ADHFE1: variants seen among roughly 807,000 people sequenced by gnomAD.
The protein encoded by ADHFE1 is hydroxyacid-oxoacid transhydrogenase, mitochondrial.
ADHFE1 carries 37 observed loss-of-function variants against 54.8 expected under a neutral mutation model. That is an observed-to-expected ratio of 0.68 (90% CI 0.52 to 0.89). ADHFE1 has a LOEUF of 0.89. Among genes scored for constraint, ADHFE1 ranks in the 40% least tolerant of loss-of-function variants. ADHFE1 has a pLI of 0.00. For missense variants in ADHFE1, 601 were observed against 591.2 expected, an observed-to-expected ratio of 1.02 and a Z score of -0.17; for synonymous variants, 203 against 229.3, an observed-to-expected ratio of 0.89 and a Z score of 1.04.
intron 6 of ADHFE1, among the ~76,000 whole-genome samples, chr8:66,445,942 A>G (rs369246557): frequency 9.9e-4 from 151 of 152,330 alleles, no homozygotes; most frequent in African/African-American, 3.3e-3. Context: ...ACAAATCCAA[A>G]TCAGAATAGC....
Position 66,440,176 on chromosome 8 carries a change from C to T in ADHFE1, c.74C>T (p.Thr25Ile). Residue 25 changes from threonine to isoleucine, a missense_variant, in exon 2 of 14, where the codon ACT becomes ATT. Coordinates refer to ENST00000396623, the MANE Select transcript of ADHFE1 (RefSeq NM_144650.3). ...QLQRAACQCP[T>I]HSHTYSQAPG... is the part of the protein sequence containing the mutation. ...ATTTTCCCTAGGTGCCAGTGCCCAA[C>T]TCATTCTCATACTTACTCCCAAGGT... 2 of 1,600,076 alleles carry T rather than the reference C, an allele frequency of 1.2e-6. No individual in the cohort carries two copies. The highest frequency in any genetic ancestry group is 1.7e-6 in the Non-Finnish European group (2 of 1,171,412).
intron 3 of ADHFE1, among the ~76,000 whole-genome samples, chr8:66,443,264 A>ATTTTGTT (rs1805852279): frequency 1.2e-5 from 1 of 86,094 alleles, no homozygotes; most frequent in Non-Finnish European, 2.4e-5. Context: ...TAGTCCAGGA[A>ATTTTGTT]TTTTTTTTTT....
At chr8:66,456,793 A>G (rs1181866322) in intron 10 of ADHFE1, 24 bp from the exon 11 acceptor site, 12 of 1,568,624 alleles carry the variant, frequency 7.7e-6, no homozygotes, top group African/African-American at 2.7e-5. Context: ...GTGTATGAAC[A>G]TAAGGATTTT....
intron 10 of ADHFE1, among the ~76,000 whole-genome samples, chr8:66,456,236 G>A (rs1266571770): frequency 6.6e-6 from 1 of 152,170 alleles, no homozygotes; most frequent in Non-Finnish European, 1.5e-5. Context: ...AATTTAGCAA[G>A]AGAAATCAGT....
At chr8:66,444,850 C>G in intron 5 of ADHFE1, 102 bp downstream of exon 5, 1 of 1,425,618 alleles carries the variant, frequency 7.0e-7, no homozygotes, top group Non-Finnish European at 9.6e-7. Flanking sequence ...CCTGTAATCC[C>G]AGCACTTTGG....
chr8:66,465,776 T>C (rs1339169670), intron 13 of ADHFE1, among the ~76,000 whole-genome samples: 2 of 151,556 alleles, frequency 1.3e-5, no homozygotes, highest in African/African-American at 4.9e-5. Context: ...ATTTTTGTAT[T>C]TTTAGTAGAG....
chr8:66,460,382 G>T lies in ADHFE1; in HGVS notation c.1237G>T (p.Asp413Tyr), dbSNP rs143052158. The T allele has an allele frequency of 1.2e-6, 2 of 1,614,094 alleles. No homozygotes were observed. The highest frequency in any genetic ancestry group is 1.7e-6 in the Non-Finnish European group (2 of 1,179,958). ...LADTLRKFLFDLDVDDGLAAV... is the reference protein window; with the variant it reads ...LADTLRKFLFYLDVDDGLAAV... Reference sequence around the variant, plus strand: ...AGACACGCTCCGGAAATTCTTATTCGATCTGGATGTTGATGATGGCCTAGC... The same window carrying T: ...AGACACGCTCCGGAAATTCTTATTCTATCTGGATGTTGATGATGGCCTAGC... Residue 413 changes from aspartate to tyrosine, a missense_variant, in exon 13 of 14, where the codon GAT (aspartate) becomes TAT (tyrosine). Coordinates refer to ENST00000396623, the MANE Select transcript of ADHFE1 (RefSeq NM_144650.3).
intron 10 of ADHFE1, among the ~76,000 whole-genome samples, chr8:66,455,621 G>A (rs1402696645): frequency 1.3e-5 from 2 of 152,210 alleles, no homozygotes; most frequent in Non-Finnish European, 2.9e-5. Context: ...AATCTAGCCT[G>A]AAGAAATACC....
At position 66,442,223 on chromosome 8, in the gene ADHFE1, A is replaced by G. The variant is rs1805787920; in HGVS notation, c.98-575A>G. Among the ~76,000 whole-genome samples the G allele has an allele frequency of 2.0e-5, 3 of 152,220 alleles. No homozygotes were observed. The South Asian group carries it at 6.2e-4, about 32-fold the overall frequency. ...TTTTCCTAGAGGATTGTTACACATTAGATTTTCAAACACATATTTTAAATA... is the reference window on the plus strand; with the variant it reads ...TTTTCCTAGAGGATTGTTACACATTGGATTTTCAAACACATATTTTAAATA... On this transcript the variant is annotated intron_variant, in intron 2 of 13. Coordinates refer to ENST00000396623, the MANE Select transcript of ADHFE1 (RefSeq NM_144650.3).
In ADHFE1 at chr8:66,439,650, G is replaced by T; in HGVS notation, c.60-512G>T. ...AAGATGGGGACCAGGGAGGTCTTTG[G>T]GTCCAGGAAGTTCTCCTGGAGGCTC... On this transcript the variant is annotated intron_variant, in intron 1 of 13. Coordinates refer to ENST00000396623, the MANE Select transcript of ADHFE1 (RefSeq NM_144650.3). The surrounding 1 kb of genome is among the most constrained non-coding windows in gnomAD (Gnocchi z 4.4). The T allele has an allele frequency of 2.0e-6, 2 of 985,848 alleles. No individual in the cohort carries two copies. The highest frequency in any genetic ancestry group is 2.4e-6 in the Non-Finnish European group (2 of 830,298). 61.1% of individuals were successfully genotyped at this position (985,848 alleles called of 1,614,324 possible). A position where few individuals can be genotyped will look rare whatever the true frequency, so the allele number is the denominator to read the frequency against.
chr8:66,460,616 T>A (rs1806850093), intron 13 of ADHFE1, 151 bp downstream of exon 13: 1 of 902,918 alleles, frequency 1.1e-6, no homozygotes, highest in African/African-American at 1.7e-5. Flanking sequence ...TTCTGTCCTT[T>A]CCTGGTGCAA....
intron 2 of ADHFE1, among the ~76,000 whole-genome samples, chr8:66,441,454 C>CT (rs1805740183): frequency 6.6e-6 from 1 of 152,080 alleles, no homozygotes; most frequent in South Asian, 2.1e-4. Flanking sequence ...TTAAGGATGC[C>CT]TTTGCACTCA....
In ADHFE1 at chr8:66,443,604, C is replaced by T. The variant is rs1043981614; in HGVS notation, c.144+760C>T. Among the ~76,000 whole-genome samples the T allele has an allele frequency of 2.0e-5, 3 of 152,002 alleles. No individual in the cohort carries two copies. The South Asian group carries it at 6.2e-4, about 31-fold the overall frequency. ...CAGGAATGACTAATTAAAATGTCAC[C>T]GGGGGCCTGACAGTTAACCAAGAGA... On this transcript the variant is annotated intron_variant, in intron 3 of 13. Transcript: ENST00000396623.
At chr8:66,462,842 A>G (rs573070043) in intron 13 of ADHFE1, among the ~76,000 whole-genome samples, 5 of 152,086 alleles carry the variant, frequency 3.3e-5, no homozygotes, top group Non-Finnish European at 7.4e-5. Flanking sequence ...TGTTTTTGAG[A>G]CAGAGTTTCA....
Position 66,452,054 on chromosome 8 carries a change from G to A in ADHFE1, c.836G>A (p.Ser279Asn). ...RPAYQGSNPISDIWAIHALRI... is the reference protein window; with the variant it reads ...RPAYQGSNPINDIWAIHALRI... ...GCGTACCAGGGCAGCAACCCAATCA[G>A]TGACATTTGGGCTATCCACGCGCTG... Residue 279 changes from serine to asparagine, a missense_variant, in exon 9 of 14, where the codon AGT becomes AAT. Physicochemically the swap from Ser to Asn is conservative, Grantham distance 46 (BLOSUM62 1). Coordinates refer to ENST00000396623, the MANE Select transcript of ADHFE1 (RefSeq NM_144650.3). 1.2e-6 allele frequency: 2 copies of A among 1,614,220 alleles called. No homozygotes were observed. Among genetic ancestry groups the A allele is most frequent in the Non-Finnish European group, 1.7e-6 (2 of 1,180,034 alleles).
chr8:66,457,129 G>A lies in ADHFE1; in HGVS notation c.1125G>A (p.Met375Ile), dbSNP rs1280963463. The change falls in exon 12 of 14, where the codon ATG (methionine) becomes ATA (isoleucine). Residue 375 changes from methionine (M) to isoleucine (I), a missense_variant. Met to Ile is a conservative substitution (Grantham distance 10, BLOSUM62 1). Coordinates refer to ENST00000396623, the MANE Select transcript of ADHFE1 (RefSeq NM_144650.3). The part of the protein sequence containing the change: ...SPAVFTFTAQ[M>I]FPERHLEMAE... Reference sequence around the variant, plus strand: ...CGGTGTTCACTTTCACGGCCCAGATGTTTCCAGAGCGACACCTGGAGATGG... The same window carrying A: ...CGGTGTTCACTTTCACGGCCCAGATATTTCCAGAGCGACACCTGGAGATGG... The A allele has an allele frequency of 6.2e-6, 10 of 1,613,604 alleles. No individual in the cohort carries two copies. Among genetic ancestry groups the A allele is most frequent in the African/African-American group, 2.7e-5 (2 of 74,884 alleles).
rs1469136947 is a variant in ADHFE1 at position 66,439,372 on chromosome 8, A to G, written c.60-790A>G. ...GCCTCGATCAGAGAGCGAGCAGGAGAAAGAGAAGCCAGAGGAGAGACTGGG... is the reference window on the plus strand; with the variant it reads ...GCCTCGATCAGAGAGCGAGCAGGAGGAAGAGAAGCCAGAGGAGAGACTGGG... On this transcript the variant is annotated intron_variant, in intron 1 of 13. Coordinates refer to ENST00000396623, the MANE Select transcript of ADHFE1 (RefSeq NM_144650.3). This position sits in a 1 kb window ranked among gnomAD's most constrained non-coding sequence, Gnocchi z 4.4. The G allele has an allele frequency of 6.6e-5, 65 of 985,656 alleles. No homozygotes were observed. The highest frequency in any genetic ancestry group is 7.8e-5 in the Non-Finnish European group (65 of 830,166). The allele number at this position is 985,656 out of a possible 1,614,324, so 61.1% of individuals were successfully genotyped here. A position where few individuals can be genotyped will look rare whatever the true frequency, so the allele number is the denominator to read the frequency against.
At chr8:66,452,664 A>G (rs1048278080) in intron 9 of ADHFE1, among the ~76,000 whole-genome samples, 17 of 152,224 alleles carry the variant, frequency 1.1e-4, no homozygotes, top group Admixed American at 3.3e-4. Context: ...AATTTAAAAA[A>G]GAAAAGAAAA....
chr8:66,452,508 G>A (rs766625341), intron 9 of ADHFE1, among the ~76,000 whole-genome samples: 9 of 152,180 alleles, frequency 5.9e-5, no homozygotes, highest in South Asian at 4.1e-4. Flanking sequence ...ATAAATGTGG[G>A]CTGGGCACAA....
Sources: gnomAD v4.1 joint callset for allele counts (sites outside exome capture counted in the v4.1 genomes callset) on GRCh38, gnomAD v4.1.1 for gene constraint, Gnocchi (gnomAD v3.1) non-coding constraint, MANE v1.5 for transcripts, NCBI Gene and HGNC (gene_info 2026-07-23, HGNC 2026-07-21) for gene names.